SLC7A14: variants seen among roughly 807,000 people sequenced by gnomAD.
SLC7A14 encodes the protein gamma-aminobutyric acid transporter SLC7A14.
In SLC7A14, 37 loss-of-function variants were observed where a neutral mutation model predicts 60.2. The observed-to-expected ratio is 0.61, with a 90% CI of 0.47 to 0.81. The LOEUF is 0.81. Among genes scored for constraint, SLC7A14 ranks in the 30% least tolerant of loss-of-function variants. The pLI, the probability that SLC7A14 is intolerant of heterozygous loss-of-function variation, is 0.00. For synonymous variants in SLC7A14, 399 were observed against 395.8 expected (o/e 1.01, Z -0.10); for missense variants, 886 against 982.7 (o/e 0.90, Z 1.32).
At chr3:170,486,109 G>A (rs1332922167) in intron 5 of SLC7A14, 113 bp downstream of exon 5, 2 of 1,370,466 alleles carry the variant, frequency 1.5e-6, no homozygotes, top group Non-Finnish European at 2.0e-6. Flanking sequence ...GGGCTACAGG[G>A]GACAAAAGAC....
chr3:170,482,458 C>G (rs1228505060), intron 6 of SLC7A14, among the ~76,000 whole-genome samples: 1 of 152,222 alleles, frequency 6.6e-6, no homozygotes, highest in Non-Finnish European at 1.5e-5. Flanking sequence ...GAACCGGCCC[C>G]CTCTGCACAC....
intron 1 of SLC7A14, among the ~76,000 whole-genome samples, chr3:170,575,101 G>A (rs2108316851): frequency 6.6e-6 from 1 of 152,296 alleles, no homozygotes; most frequent in East Asian, 1.9e-4. Context: ...AAGACCATAA[G>A]CCTGGATAAA....
At chr3:170,504,994 G>C (rs551804077) in intron 2 of SLC7A14, among the ~76,000 whole-genome samples, 4 of 152,138 alleles carry the variant, frequency 2.6e-5, no homozygotes, top group Non-Finnish European at 5.9e-5. Flanking sequence ...GCTCTGTCTT[G>C]TATCATATAT....
Position 170,552,955 on chromosome 3 carries a change from C to A in SLC7A14, c.-152-25867G>T, listed in dbSNP as rs559111314. Among the ~76,000 whole-genome samples the A allele has an allele frequency of 2.6e-4, 39 of 152,292 alleles. 2 individuals are homozygous for A. The South Asian group carries it at 7.9e-3, about 31-fold the overall frequency. ...GATTATTGATCTCCACATGCACTGCCCCTCTACCAGGTATACCTACAGCTC... is the reference window on the plus strand; with the variant it reads ...GATTATTGATCTCCACATGCACTGCACCTCTACCAGGTATACCTACAGCTC... On this transcript the variant is annotated intron_variant, in intron 1 of 7. Coordinates refer to ENST00000231706, the MANE Select transcript of SLC7A14 (RefSeq NM_020949.3).
At chr3:170,494,183 T>G (rs1712311022) in intron 4 of SLC7A14, among the ~76,000 whole-genome samples, 1 of 152,242 alleles carries the variant, frequency 6.6e-6, no homozygotes, top group Admixed American at 6.5e-5. Context: ...TGTCTTTAAC[T>G]TTTCTAAGCT....
intron 1 of SLC7A14, among the ~76,000 whole-genome samples, chr3:170,533,814 T>G (rs10513683): frequency 0.28 from 43,253 of 152,132 alleles, 6,328 homozygotes; most frequent in South Asian, 0.3. Flanking sequence ...AGATGGCTAA[T>G]TTTTTCAGTT....
intron 1 of SLC7A14, among the ~76,000 whole-genome samples, chr3:170,583,125 C>T (rs1294019245): frequency 6.6e-6 from 1 of 152,142 alleles, no homozygotes; most frequent in Non-Finnish European, 1.5e-5. Flanking sequence ...AGAACATGGG[C>T]AGTTGCTTAG....
chr3:170,538,319 G>A (rs1230185205), intron 1 of SLC7A14, among the ~76,000 whole-genome samples: 1 of 152,142 alleles, frequency 6.6e-6, no homozygotes, highest in Non-Finnish European at 1.5e-5. Flanking sequence ...TTTACCCACA[G>A]CCAGGCTTCT....
At chr3:170,492,380 C>A (rs951215727) in intron 4 of SLC7A14, among the ~76,000 whole-genome samples, 1 of 152,066 alleles carries the variant, frequency 6.6e-6, no homozygotes, top group Non-Finnish European at 1.5e-5. Flanking sequence ...TTGTGTGCAC[C>A]TGTAGTTCCA....
chr3:170,576,708 G>A (rs1715101016), intron 1 of SLC7A14, among the ~76,000 whole-genome samples: 1 of 152,208 alleles, frequency 6.6e-6, no homozygotes, highest in Admixed American at 6.5e-5. Context: ...GTATTTTTCA[G>A]TGGGGGTGGA....
At chr3:170,491,883 A>G (rs1157565945) in intron 4 of SLC7A14, among the ~76,000 whole-genome samples, 2 of 152,208 alleles carry the variant, frequency 1.3e-5, no homozygotes, top group Admixed American at 6.5e-5. Flanking sequence ...GAGAAGAAAG[A>G]CCAACACACC....
rs866323364 is a variant in SLC7A14, at chr3:170,526,903, G to C, written c.34C>G (p.Arg12Gly). 6 of 1,613,628 alleles carry C rather than the reference G, an allele frequency of 3.7e-6. No homozygotes were observed. The highest frequency in any genetic ancestry group is 5.1e-6 in the Non-Finnish European group (6 of 1,179,826). ...TACCAGGCAGCTCCCCACTGCACCC[G>C]CCGGGGGTCCAGCGAGGTGAAGAAG... ...SGFFTSLDPRRVQWGAAWYAM... is the reference protein window; with the variant it reads ...SGFFTSLDPRGVQWGAAWYAM... The change falls in exon 2 of 8, where the codon CGG (arginine) becomes GGG (glycine). Residue 12 changes from arginine to glycine, a missense_variant. Transcript: ENST00000231706.
chr3:170,544,933 A>G (rs947535548), intron 1 of SLC7A14, among the ~76,000 whole-genome samples: 2 of 152,352 alleles, frequency 1.3e-5, no homozygotes, highest in Admixed American at 1.3e-4. Flanking sequence ...ACATTCTGTG[A>G]TGATGAAAAT....
At chr3:170,489,588 G>T (rs143921266) in intron 4 of SLC7A14, among the ~76,000 whole-genome samples, 2 of 152,216 alleles carry the variant, frequency 1.3e-5, no homozygotes, top group Non-Finnish European at 2.9e-5. Flanking sequence ...CCACTGCTGG[G>T]TATATACCCA....
chr3:170,502,047 C>A (rs1712625265), intron 2 of SLC7A14, among the ~76,000 whole-genome samples: 1 of 152,116 alleles, frequency 6.6e-6, no homozygotes, highest in Middle Eastern at 3.2e-3. Flanking sequence ...AAATGTATAA[C>A]AATGAGAGGA....
At chr3:170,510,251 G>A (rs951990115) in intron 2 of SLC7A14, among the ~76,000 whole-genome samples, 4 of 151,634 alleles carry the variant, frequency 2.6e-5, no homozygotes, top group East Asian at 1.9e-4. Flanking sequence ...TTAGCTGGGC[G>A]TGTTGGAGGG....
chr3:170,569,973 A>G (rs1227467070), intron 1 of SLC7A14: 1 of 152,144 alleles, frequency 6.6e-6, no homozygotes, highest in African/African-American at 2.4e-5. Flanking sequence ...TCCTGGATTC[A>G]TTAATTTTTT....
intron 1 of SLC7A14, among the ~76,000 whole-genome samples, chr3:170,538,529 C>T (rs1001975347): frequency 2.0e-5 from 3 of 152,092 alleles, no homozygotes; most frequent in Non-Finnish European, 4.4e-5. Flanking sequence ...TTAATTTTGT[C>T]GATATACGTT....
At chr3:170,552,695 C>T (rs1450714568) in intron 1 of SLC7A14, among the ~76,000 whole-genome samples, 1 of 152,166 alleles carries the variant, frequency 6.6e-6, no homozygotes, top group Non-Finnish European at 1.5e-5. Flanking sequence ...CAATACCACA[C>T]CCATTGAGAG....
Sources: allele counts gnomAD v4.1 joint callset (sites outside exome capture counted in the v4.1 genomes callset), GRCh38; gene constraint gnomAD v4.1.1; transcripts MANE v1.5; gene names NCBI Gene and HGNC (gene_info 2026-07-23, HGNC 2026-07-21).